The following ARHGEF28 variants were observed in gnomAD, a reference collection of about 807,000 sequenced individuals.
The protein encoded by ARHGEF28 is 190 kDa guanine nucleotide exchange factor.
ARHGEF28 carries 152 observed loss-of-function variants against 206.6 expected under a neutral mutation model. That is an observed-to-expected ratio of 0.74 (90% CI 0.64 to 0.84). The LOEUF is 0.84. ARHGEF28 is among the 40% of genes least tolerant of loss of function. The pLI is 0.00. For synonymous variants in ARHGEF28, 763 were observed against 776.4 expected (o/e 0.98, Z 0.29); for missense variants, 2,028 against 2,073.2 (o/e 0.98, Z 0.42).
At chr5:73,740,906 C>T (rs1393049590) in intron 2 of ARHGEF28, among the ~76,000 whole-genome samples, 2 of 152,088 alleles carry the variant, frequency 1.3e-5, no homozygotes, top group Non-Finnish European at 2.9e-5. Context: ...ATTAAAATCC[C>T]AACTTGTGTC....
intron 9 of ARHGEF28, among the ~76,000 whole-genome samples, chr5:73,816,765 G>A (rs1179231143): frequency 6.6e-6 from 1 of 152,216 alleles, no homozygotes; most frequent in East Asian, 1.9e-4. Flanking sequence ...GTCCAGAGCG[G>A]AGCATGATGA....
chr5:73,887,476 G>T, intron 25 of ARHGEF28, 127 bp from the exon 26 acceptor site: 1 of 675,260 alleles, frequency 1.5e-6, no homozygotes, highest in Non-Finnish European at 2.4e-6. Context: ...TATATCTTTG[G>T]CTATCATAAT....
At chr5:73,757,000 A>AT (rs1316255509) in intron 4 of ARHGEF28, among the ~76,000 whole-genome samples, 2 of 152,208 alleles carry the variant, frequency 1.3e-5, no homozygotes, top group African/African-American at 2.4e-5. Flanking sequence ...CTATGGATGT[A>AT]TTTTGACTCA....
chr5:73,849,829 A>G lies in ARHGEF28; in HGVS notation c.1747+742A>G, dbSNP rs545154364. On this transcript the variant is annotated intron_variant, in intron 13 of 35. Transcript: ENST00000513042. The stretch of plus-strand genomic sequence containing the variant: ...TTATTTCATACTTTCTGTAATTAAT[A>G]TGTAATAATTGTATTAAAAAGCATA... Among the ~76,000 whole-genome samples, 4 of 152,074 alleles carry G rather than the reference A, an allele frequency of 2.6e-5. No individual in the cohort carries two copies. In the East Asian group the frequency reaches 5.8e-4, roughly 22 times the overall value.
intron 11 of ARHGEF28, among the ~76,000 whole-genome samples, chr5:73,841,463 T>C (rs1324464150): frequency 1.3e-5 from 2 of 152,014 alleles, no homozygotes; most frequent in African/African-American, 4.8e-5. Flanking sequence ...TCCAGCACTT[T>C]GGGAGGCCAA....
chr5:73,937,011 C>G (rs544762499), intron 35 of ARHGEF28, among the ~76,000 whole-genome samples: 125 of 152,298 alleles, frequency 8.2e-4, no homozygotes, highest in African/African-American at 2.8e-3. Flanking sequence ...TTTCTCTTCA[C>G]TGTTAGAAAT....
At chr5:73,639,813 G>A (rs1186788661) in intron 1 of ARHGEF28, among the ~76,000 whole-genome samples, 2 of 152,228 alleles carry the variant, frequency 1.3e-5, no homozygotes, top group Non-Finnish European at 2.9e-5. Flanking sequence ...GCAATTAGAG[G>A]CATTCCTGCT....
intron 1 of ARHGEF28, among the ~76,000 whole-genome samples, chr5:73,677,170 G>A (rs530960566): frequency 1.5e-4 from 23 of 152,250 alleles, no homozygotes; most frequent in Admixed American, 1.3e-4. Flanking sequence ...AGTTGCTTGC[G>A]TAAGCTTTAT....
At chr5:73,772,164 T>C (rs1402671410) in intron 4 of ARHGEF28, among the ~76,000 whole-genome samples, 2 of 152,212 alleles carry the variant, frequency 1.3e-5, no homozygotes, top group Non-Finnish European at 2.9e-5. Flanking sequence ...CATTCATTTA[T>C]GGTGGAGTGT....
At chr5:73,920,864 A>G (rs954935125) in intron 35 of ARHGEF28, among the ~76,000 whole-genome samples, 3 of 152,186 alleles carry the variant, frequency 2.0e-5, no homozygotes, top group Admixed American at 6.5e-5. Flanking sequence ...TTTAGAAATG[A>G]ATCCAGTGCT....
chr5:73,732,397 G>A (rs1461872968), intron 2 of ARHGEF28, among the ~76,000 whole-genome samples: 1 of 150,934 alleles, frequency 6.6e-6, no homozygotes, highest in Non-Finnish European at 1.5e-5. Flanking sequence ...TTCATGACTT[G>A]ATAGCTCATT....
chr5:73,896,616 A>G (rs1761973858), intron 29 of ARHGEF28, among the ~76,000 whole-genome samples: 2 of 152,240 alleles, frequency 1.3e-5, no homozygotes, highest in South Asian at 4.1e-4. Flanking sequence ...TGCCATTGAC[A>G]ATGGGAGCAG....
intron 5 of ARHGEF28, among the ~76,000 whole-genome samples, chr5:73,775,723 A>T (rs1753503828): frequency 6.6e-6 from 1 of 152,184 alleles, no homozygotes; most frequent in South Asian, 2.1e-4. Context: ...GTAACCCAAG[A>T]ACATTAATAT....
At chr5:73,675,527 T>G (rs1273828186) in intron 1 of ARHGEF28, among the ~76,000 whole-genome samples, 1 of 152,002 alleles carries the variant, frequency 6.6e-6, no homozygotes, top group Non-Finnish European at 1.5e-5. Flanking sequence ...GGTCAGGAGA[T>G]TGAGACCAAC....
chr5:73,798,897 G>A (rs2112493592), intron 9 of ARHGEF28, among the ~76,000 whole-genome samples: 1 of 152,178 alleles, frequency 6.6e-6, no homozygotes, highest in South Asian at 2.1e-4. Flanking sequence ...AGACCAGGCT[G>A]GCCAACATGG....
intron 22 of ARHGEF28, among the ~76,000 whole-genome samples, chr5:73,876,864 A>C (rs1323515412): frequency 1.4e-5 from 2 of 145,992 alleles, no homozygotes; most frequent in African/African-American, 5.2e-5. Flanking sequence ...TTCATCATGG[A>C]TATTGGTCTA....
intron 2 of ARHGEF28, among the ~76,000 whole-genome samples, chr5:73,703,213 C>A (rs1046732921): frequency 6.6e-6 from 1 of 152,148 alleles, no homozygotes; most frequent in African/African-American, 2.4e-5. Flanking sequence ...AGCACTTAGT[C>A]AAATTGCCTG....
intron 9 of ARHGEF28, among the ~76,000 whole-genome samples, chr5:73,802,552 C>T (rs1755201481): frequency 6.6e-6 from 1 of 152,128 alleles, no homozygotes; most frequent in Non-Finnish European, 1.5e-5. Context: ...AGTGACTAAG[C>T]AGATTTCATG....
At chr5:73,664,763 C>A (rs1029608283) in intron 1 of ARHGEF28, among the ~76,000 whole-genome samples, 1 of 152,168 alleles carries the variant, frequency 6.6e-6, no homozygotes, top group South Asian at 2.1e-4. Flanking sequence ...TTCCCAATGG[C>A]CTTAACTACT....
Sources: gnomAD v4.1 joint callset for allele counts (sites outside exome capture counted in the v4.1 genomes callset) on GRCh38, gnomAD v4.1.1 for gene constraint, MANE v1.5 for transcripts, NCBI Gene and HGNC (gene_info 2026-07-23, HGNC 2026-07-21) for gene names.